Variants in PRUNE1 observed in about 807,000 individuals in gnomAD.
The protein encoded by PRUNE1 is prune exopolyphosphatase 1, also known as exopolyphosphatase PRUNE1.
A neutral mutation model predicts 42.5 loss-of-function variants in PRUNE1; 25 were observed. The ratio of observed to expected loss-of-function variants is 0.59; its 90% CI spans 0.43 to 0.82. The LOEUF is 0.82. Ranked by LOEUF, PRUNE1 falls within the 40% of genes least tolerant of loss-of-function variation. PRUNE1 has a pLI of 0.00. For synonymous variants in PRUNE1, 203 were observed against 217.1 expected (o/e 0.93, Z 0.57); for missense variants, 443 against 539.3 (o/e 0.82, Z 1.77).
At position 151,034,331 on chromosome 1, in the gene PRUNE1, C is replaced by T. The variant is rs1254363714; in HGVS notation, c.*97C>T. ...AGATTCAGCAATTCTGTCTTCATTG[C>T]TCCAGGATCTGGTATACTGTTCTCA... On this transcript the variant is annotated 3_prime_UTR_variant, in exon 8 of 8. Transcript: ENST00000271620. 3.1e-6 allele frequency: 4 copies of T among 1,279,258 alleles called. No individual in the cohort carries two copies. The highest frequency in any genetic ancestry group is 4.4e-6 in the Non-Finnish European group (4 of 917,978). The allele number at this position is 1,279,258 out of a possible 1,614,324, so 79.2% of individuals were successfully genotyped here. A position where few individuals can be genotyped will look rare whatever the true frequency, so the allele number is the denominator to read the frequency against.
At position 151,025,597 on chromosome 1, in the gene PRUNE1, A is replaced by G. The variant is rs766771408; in HGVS notation, c.603A>G (p.Leu201=). Residue 201 remains leucine (L), a synonymous_variant, in exon 5 of 8, where the codon CTA becomes CTG. Coordinates refer to ENST00000271620, the MANE Select transcript of PRUNE1 (RefSeq NM_021222.3). The stretch of plus-strand genomic sequence containing the variant: ...AGGACAGCAAATATGTGGAGAAACT[A>G]GAGGCCCTTTTCCCAGACCTACCCA... The part of the protein sequence containing the change: ...TPKDSKYVEK[L]EALFPDLPKR... 3.7e-6 allele frequency: 6 copies of G among 1,613,828 alleles called. No individual in the cohort carries two copies. Among genetic ancestry groups the G allele is most frequent in the Non-Finnish European group, 2.5e-6 (3 of 1,179,714 alleles).
chr1:151,015,075 C>G (rs1674014354), intron 1 of PRUNE1, among the ~76,000 whole-genome samples: 1 of 152,178 alleles, frequency 6.6e-6, no homozygotes, highest in Non-Finnish European at 1.5e-5. Flanking sequence ...CGCCTGTAAT[C>G]CCAACACTTG....
At chr1:151,029,035 C>G in intron 7 of PRUNE1, 91 bp downstream of exon 7, 1 of 1,295,522 alleles carries the variant, frequency 7.7e-7, no homozygotes, top group Non-Finnish European at 1.1e-6. Flanking sequence ...AAGGACCTCT[C>G]TTAGGTTCTT....
At chr1:151,010,165 T>A (rs1673677802) in intron 1 of PRUNE1, among the ~76,000 whole-genome samples, 1 of 151,918 alleles carries the variant, frequency 6.6e-6, no homozygotes, top group Admixed American at 6.6e-5. Context: ...TGCAATGGTG[T>A]GATCACCTCC....
chr1:151,022,736 T>TAC (rs1674554713), intron 3 of PRUNE1: 1 of 119,646 alleles, frequency 8.4e-6, no homozygotes. Flanking sequence ...ATTTTAAATA[T>TAC]ATATATTTTT....
At chr1:151,013,203 G>A (rs587721794) in intron 1 of PRUNE1, among the ~76,000 whole-genome samples, 1 of 152,336 alleles carries the variant, frequency 6.6e-6, no homozygotes, top group East Asian at 1.9e-4. Context: ...AACAAATAGT[G>A]CAAAGGGCAG....
At chr1:151,008,890 C>T (rs587614723) in intron 1 of PRUNE1, 1 of 697,176 alleles carries the variant, frequency 1.4e-6, no homozygotes, top group Non-Finnish European at 2.6e-6. Context: ...CGGTTTTTGG[C>T]TCCCCGCCTT....
In PRUNE1 at chr1:151,024,657, C is replaced by CGACCCA. The variant is rs1558083460; in HGVS notation, c.383_388dup (p.Arg128_Pro129dup). On this transcript the variant is annotated inframe_insertion, in exon 4 of 8. Transcript: ENST00000271620. ...GGCAGTAGCAGAGGTGCTAGACCAT[C>CGACCCA]GACCCATCGAGCCGAAACACTGCCC... 7 of 1,613,408 alleles carry CGACCCA rather than the reference C, an allele frequency of 4.3e-6. No homozygotes were observed. Among genetic ancestry groups the CGACCCA allele is most frequent in the Non-Finnish European group, 5.9e-6 (7 of 1,179,346 alleles).
intron 1 of PRUNE1, among the ~76,000 whole-genome samples, chr1:151,009,844 T>C (rs2102890859): frequency 6.6e-6 from 1 of 152,316 alleles, no homozygotes; most frequent in East Asian, 1.9e-4. Context: ...CAATCCCTTT[T>C]TGTTACCTCT....
intron 3 of PRUNE1, among the ~76,000 whole-genome samples, chr1:151,020,370 C>G (rs1278757877): frequency 6.6e-6 from 1 of 151,770 alleles, no homozygotes; most frequent in South Asian, 2.1e-4. Flanking sequence ...GGTAGGATCA[C>G]TTGAGCCTAG....
In PRUNE1 at chr1:151,021,038, T is replaced by C. The variant is rs587604670; in HGVS notation, c.335+2369T>C. On this transcript the variant is annotated intron_variant, in intron 3 of 7. Coordinates refer to ENST00000271620, the MANE Select transcript of PRUNE1 (RefSeq NM_021222.3). Reference sequence around the variant, plus strand: ...GCTCGCGCCTGTAAGTCCCAGCTACTTGGGAGGCTGAGGCAGGAGAATCGC... The same window carrying C: ...GCTCGCGCCTGTAAGTCCCAGCTACCTGGGAGGCTGAGGCAGGAGAATCGC... 3.0e-3 allele frequency among the ~76,000 whole-genome samples: 451 copies of C among 151,254 alleles called. 2 individuals carry two copies. Among genetic ancestry groups the C allele is most frequent in the South Asian group, 8.5e-3 (41 of 4,798 alleles).
chr1:151,023,716 T>C (rs1433017271), intron 3 of PRUNE1, among the ~76,000 whole-genome samples: 5 of 146,562 alleles, frequency 3.4e-5, no homozygotes, highest in Non-Finnish European at 5.9e-5. Flanking sequence ...AGATTCCGTC[T>C]TAGAAAAAAA....
At chr1:151,013,655 C>G (rs1444301473) in intron 1 of PRUNE1, among the ~76,000 whole-genome samples, 4 of 152,168 alleles carry the variant, frequency 2.6e-5, no homozygotes, top group African/African-American at 9.7e-5. Flanking sequence ...CTCCACTGCT[C>G]TTATGTTTTT....
chr1:151,034,520 G>C lies in PRUNE1; in HGVS notation c.*286G>C. The C allele has an allele frequency of 2.7e-6, 1 of 370,388 alleles. No homozygotes were observed. Among genetic ancestry groups the C allele is most frequent in the Non-Finnish European group, 5.0e-6 (1 of 200,214 alleles). The allele number at this position is 370,388 out of a possible 1,614,324, so 22.9% of individuals were successfully genotyped here. A position where few individuals can be genotyped will look rare whatever the true frequency, so the allele number is the denominator to read the frequency against. ...ACGATGTGACATATCTGCAGTCCCAGCACAGTGGGACAAAAAGAATTTAGA... is the reference window on the plus strand; with the variant it reads ...ACGATGTGACATATCTGCAGTCCCACCACAGTGGGACAAAAAGAATTTAGA... On this transcript the variant is annotated 3_prime_UTR_variant, in exon 8 of 8. Coordinates refer to ENST00000271620, the MANE Select transcript of PRUNE1 (RefSeq NM_021222.3).
chr1:151,013,719 A>G (rs1026213481), intron 1 of PRUNE1, among the ~76,000 whole-genome samples: 2 of 151,912 alleles, frequency 1.3e-5, no homozygotes, highest in African/African-American at 4.8e-5. Context: ...TCTAGAGAAC[A>G]CTCGCTCCCC....
chr1:151,012,045 G>A (rs1181338044), intron 1 of PRUNE1, among the ~76,000 whole-genome samples: 1 of 152,030 alleles, frequency 6.6e-6, no homozygotes, highest in Non-Finnish European at 1.5e-5. Context: ...CCAAAGTGCT[G>A]GGATTACAGG....
chr1:151,024,845 G>C, intron 4 of PRUNE1, 50 bp downstream of exon 4: 1 of 1,534,190 alleles, frequency 6.5e-7, no homozygotes, highest in Non-Finnish European at 8.8e-7. Flanking sequence ...TCCTGTCCCT[G>C]AGAAGGGAGG....
intron 7 of PRUNE1, among the ~76,000 whole-genome samples, chr1:151,031,358 T>C (rs1675239047): frequency 6.6e-6 from 1 of 151,956 alleles, no homozygotes; most frequent in Non-Finnish European, 1.5e-5. Context: ...TAATTTTTTT[T>C]GTATTTTTTG....
intron 1 of PRUNE1, among the ~76,000 whole-genome samples, 156 bp from the exon 2 acceptor site, chr1:151,017,656 G>T (rs186619163): frequency 7.9e-5 from 12 of 152,190 alleles, no homozygotes; most frequent in Non-Finnish European, 1.3e-4. Context: ...CTAGTAGGAG[G>T]TTGAGGCTGC....
Sources: allele counts gnomAD v4.1 joint callset (sites outside exome capture counted in the v4.1 genomes callset), GRCh38; gene constraint gnomAD v4.1.1; transcripts MANE v1.5; gene names NCBI Gene and HGNC (gene_info 2026-07-23, HGNC 2026-07-21).